The following ELMOD3 variants were observed in gnomAD, a reference collection of about 807,000 sequenced individuals.
ELMOD3 encodes the protein ELMO domain containing 3, also known as ELMO domain-containing protein 3.
A neutral mutation model predicts 47.4 loss-of-function variants in ELMOD3; 36 were observed. That is an observed-to-expected ratio of 0.76 (90% confidence interval 0.58 to 1.00). The LOEUF is 1.00. Among genes scored for constraint, ELMOD3 ranks in the 50% least tolerant of loss-of-function variants. The pLI is 0.00. For missense variants in ELMOD3, 404 were observed against 463.8 expected, an observed-to-expected ratio of 0.87 and a Z score of 1.18; for synonymous variants, 149 against 183.5, an observed-to-expected ratio of 0.81 and a Z score of 1.52.
intron 11 of ELMOD3, among the ~76,000 whole-genome samples, chr2:85,383,190 G>A (rs910925347): frequency 2.0e-5 from 3 of 151,436 alleles, no homozygotes; most frequent in African/African-American, 4.9e-5. Context: ...GTGCAGTGGC[G>A]TAATCTTGGC....
At chr2:85,367,778 A>G (rs971120506) in intron 6 of ELMOD3, 3 of 152,258 alleles carry the variant, frequency 2.0e-5, no homozygotes, top group Admixed American at 6.5e-5. Flanking sequence ...GTTAAGTGGA[A>G]CTGTCATGAG....
chr2:85,369,917 G>A lies in ELMOD3; in HGVS notation c.360+87G>A, dbSNP rs1684671682. Reference sequence around the variant, plus strand: ...CTATCCCACCAGGACAGGGCATTGGGCAAGCAAATCTCCCCTAAGATCTTG... The same window carrying A: ...CTATCCCACCAGGACAGGGCATTGGACAAGCAAATCTCCCCTAAGATCTTG... On this transcript the variant is annotated intron_variant, in intron 8 of 13. Coordinates refer to ENST00000409013, the MANE Select transcript of ELMOD3 (RefSeq NM_001135022.2). 1.6e-5 allele frequency: 24 copies of A among 1,506,250 alleles called. No homozygotes were observed. In the South Asian group the frequency reaches 2.9e-4, roughly 18 times the overall value. 93.3% of individuals were successfully genotyped at this position (1,506,250 alleles called of 1,614,324 possible).
chr2:85,369,766 G>C lies in ELMOD3; in HGVS notation c.296G>C (p.Gly99Ala). Reference sequence around the variant, plus strand: ...AGCCAAGCTAGCTCAGAGCAGCCTGGGCAGCTAATCTCCTTCAGTGAGGCC... The same window carrying C: ...AGCCAAGCTAGCTCAGAGCAGCCTGCGCAGCTAATCTCCTTCAGTGAGGCC... ...TGSQASSEQP[G>A]QLISFSEALQ... Residue 99 changes from glycine (G) to alanine (A), a missense_variant, in exon 8 of 14, where the codon GGG becomes GCG. By Grantham distance (60) the Gly-to-Ala change is moderately conservative. Coordinates refer to ENST00000409013, the MANE Select transcript of ELMOD3 (RefSeq NM_001135022.2). The C allele has an allele frequency of 6.2e-7, 1 of 1,614,064 alleles. No homozygotes were observed. The highest frequency in any genetic ancestry group is 8.5e-7 in the Non-Finnish European group (1 of 1,179,970).
chr2:85,355,314 A>G (rs543499242), intron 2 of ELMOD3, 144 bp downstream of exon 2: 1 of 152,372 alleles, frequency 6.6e-6, no homozygotes, highest in East Asian at 1.9e-4. Context: ...ATGGACAAGC[A>G]TGGTGAAAGG....
chr2:85,362,128 C>A, intron 4 of ELMOD3, 58 bp from the exon 5 acceptor site: 2 of 1,033,026 alleles, frequency 1.9e-6, no homozygotes, highest in Non-Finnish European at 3.0e-6. Context: ...GACATTTAAA[C>A]TATTATCTTT....
At chr2:85,383,710 CA>C (rs1411803528) in intron 11 of ELMOD3, among the ~76,000 whole-genome samples, 1 of 152,122 alleles carries the variant, frequency 6.6e-6, no homozygotes, top group Admixed American at 6.5e-5. Flanking sequence ...TGTTTTGAGC[CA>C]TAAAGTTAGC....
At chr2:85,356,447 G>C (rs1408997716) in intron 3 of ELMOD3, 5 of 152,306 alleles carry the variant, frequency 3.3e-5, no homozygotes, top group Non-Finnish European at 5.9e-5. Flanking sequence ...CCCTTCTAGT[G>C]GTGCTGCTGC....
chr2:85,356,493 G>A (rs888635038), intron 3 of ELMOD3: 3 of 152,318 alleles, frequency 2.0e-5, no homozygotes, highest in African/African-American at 4.8e-5. Context: ...AGTCCCCTGT[G>A]TGGTCCCCTT....
At chr2:85,390,073 G>A (rs192941151) in intron 12 of ELMOD3, 65 bp from the exon 13 acceptor site, 106 of 1,485,080 alleles carry the variant, frequency 7.1e-5, no homozygotes, top group Admixed American at 6.5e-4. Flanking sequence ...GAAGGAAGGC[G>A]GGAGGGAACC....
intron 4 of ELMOD3, among the ~76,000 whole-genome samples, chr2:85,359,240 G>A (rs1683771081): frequency 6.6e-6 from 1 of 152,056 alleles, no homozygotes; most frequent in Admixed American, 6.6e-5. Context: ...GCAGTATCAG[G>A]CCCCGCATGT....
chr2:85,364,821 ATATATTTTT>A (rs1468483676), intron 6 of ELMOD3, among the ~76,000 whole-genome samples: 13 of 89,218 alleles, frequency 1.5e-4, no homozygotes, highest in African/African-American at 6.1e-4. Context: ...ATATATATAT[ATATATTTTT>A]TTTTTTTTTT....
rs1276836707 is a variant in ELMOD3 at position 85,390,986 on chromosome 2, A to C, written c.*24A>C. On this transcript the variant is annotated 3_prime_UTR_variant, in exon 14 of 14. Coordinates refer to ENST00000409013, the MANE Select transcript of ELMOD3 (RefSeq NM_001135022.2). ...GACCTCCGAGATGAATGGAGGCTTA[A>C]AGGCTGAGCTGCAGGGGCTTTCAGG... is the stretch of plus-strand genomic sequence containing the variant. The C allele has an allele frequency of 5.2e-6, 8 of 1,543,792 alleles. No individual in the cohort carries two copies. The Admixed American group carries it at 9.9e-5, about 19-fold the overall frequency.
chr2:85,358,183 G>A (rs1485975564), intron 4 of ELMOD3, among the ~76,000 whole-genome samples: 1 of 150,788 alleles, frequency 6.6e-6, no homozygotes, highest in African/African-American at 2.4e-5. Flanking sequence ...GGAAGCTGAG[G>A]CAAGAGAATC....
rs111947386 is a variant in ELMOD3, at chr2:85,384,086, A to C, written c.739-5665A>C. ...CCAGGTCATAGGTAGATAAGGGACA[A>C]ATGGTTGTGTTCTTTGAGCATCTGA... On this transcript the variant is annotated intron_variant, in intron 11 of 13. Transcript: ENST00000409013. Among the ~76,000 whole-genome samples, 124 of 152,282 alleles carry C rather than the reference A, an allele frequency of 8.1e-4. 2 individuals are homozygous for C. The highest frequency in any genetic ancestry group is 2.9e-3 in the African/African-American group (119 of 41,546).
Position 85,374,881 on chromosome 2 carries a change from C to T in ELMOD3, c.608-2463C>T, listed in dbSNP as rs144929057. 2.3e-3 allele frequency among the ~76,000 whole-genome samples: 355 copies of T among 152,024 alleles called. 4 individuals are homozygous for T. The highest frequency in any genetic ancestry group is 8.1e-3 in the African/African-American group (338 of 41,498). ...ATCCCAGCATTTTGGGAGGCCAAGGCGGGTGGACTACGAGGTCAGGAGTTC... is the reference window on the plus strand; with the variant it reads ...ATCCCAGCATTTTGGGAGGCCAAGGTGGGTGGACTACGAGGTCAGGAGTTC... On this transcript the variant is annotated intron_variant, in intron 10 of 13. Transcript: ENST00000409013.
At chr2:85,371,347 T>A in intron 9 of ELMOD3, 93 bp from the exon 10 acceptor site, 7 of 1,593,132 alleles carry the variant, frequency 4.4e-6, no homozygotes, top group Non-Finnish European at 6.0e-6. Flanking sequence ...GAGAACTGGA[T>A]GTCTCACAGT....
At chr2:85,382,477 T>C (rs1191574588) in intron 11 of ELMOD3, among the ~76,000 whole-genome samples, 1 of 151,238 alleles carries the variant, frequency 6.6e-6, no homozygotes, top group East Asian at 1.9e-4. Flanking sequence ...CGGTGTTCCT[T>C]TTAGACCCAG....
chr2:85,390,065 A>G (rs763502829), intron 12 of ELMOD3, 73 bp from the exon 13 acceptor site: 1 of 1,459,602 alleles, frequency 6.9e-7, no homozygotes, highest in East Asian at 2.3e-5. Context: ...GAAATGGGGA[A>G]GGAAGGCGGG....
intron 11 of ELMOD3, among the ~76,000 whole-genome samples, chr2:85,380,585 G>A (rs1685473872): frequency 1.3e-5 from 2 of 152,176 alleles, no homozygotes; most frequent in South Asian, 4.1e-4. Context: ...AGTGCAAGTG[G>A]TGCAATTTTG....
Sources: allele counts gnomAD v4.1 joint callset (sites outside exome capture counted in the v4.1 genomes callset), GRCh38; gene constraint gnomAD v4.1.1; transcripts MANE v1.5; gene names NCBI Gene and HGNC (gene_info 2026-07-23, HGNC 2026-07-21).